The following MAGI2 variants were observed in gnomAD, a reference collection of about 807,000 sequenced individuals.
MAGI2 encodes membrane-associated guanylate kinase, WW and PDZ domain-containing protein 2.
Under a neutral mutation model 133.3 loss-of-function variants are expected in MAGI2, and 35 were observed. The observed-to-expected ratio is 0.26, with a 90% CI of 0.20 to 0.35. The LOEUF (loss-of-function observed/expected upper bound fraction) is 0.35. MAGI2 is among the 10% of genes least tolerant of loss of function. The pLI, the probability that MAGI2 is intolerant of heterozygous loss-of-function variation, is 1.00. For missense variants in MAGI2, 1,636 were observed against 1,863.4 expected, an observed-to-expected ratio of 0.88 and a Z score of 2.25; for synonymous variants, 729 against 710.6, an observed-to-expected ratio of 1.03 and a Z score of -0.41.
At chr7:78,866,861 C>G (rs1794601484) in intron 2 of MAGI2, among the ~76,000 whole-genome samples, 1 of 152,014 alleles carries the variant, frequency 6.6e-6, no homozygotes, top group Non-Finnish European at 1.5e-5. Context: ...CAGAACAACC[C>G]CATCAAAAAG....
At chr7:78,580,028 C>T (rs1249072919) in intron 3 of MAGI2, among the ~76,000 whole-genome samples, 1 of 151,998 alleles carries the variant, frequency 6.6e-6, no homozygotes, top group Non-Finnish European at 1.5e-5. Context: ...ATATTCTCAA[C>T]CAAACAATTT....
chr7:78,164,340 T>C (rs887847328), intron 15 of MAGI2, among the ~76,000 whole-genome samples: 1 of 152,194 alleles, frequency 6.6e-6, no homozygotes, highest in Non-Finnish European at 1.5e-5. Context: ...CAATGGGATG[T>C]ATGTATGGAC....
intron 1 of MAGI2, among the ~76,000 whole-genome samples, chr7:79,356,715 A>G (rs1842041609): frequency 2.0e-5 from 3 of 152,188 alleles, no homozygotes; most frequent in African/African-American, 7.2e-5. Context: ...GTAGATCTTT[A>G]TTTCTAGAAT....
At chr7:79,009,332 C>A (rs1282812943) in intron 1 of MAGI2, among the ~76,000 whole-genome samples, 2 of 151,142 alleles carry the variant, frequency 1.3e-5, no homozygotes, top group African/African-American at 4.9e-5. Context: ...TCTTTTTTTT[C>A]ATAGAAGAAC....
chr7:78,749,001 ATGAGCTAGTGG>A (rs759484313), intron 2 of MAGI2, among the ~76,000 whole-genome samples: 5 of 152,362 alleles, frequency 3.3e-5, no homozygotes, highest in Non-Finnish European at 5.9e-5. Context: ...AATTGTAAAG[ATGAGCTAGTGG>A]TGAAACCTAT....
intron 2 of MAGI2, among the ~76,000 whole-genome samples, chr7:78,996,093 A>G (rs546792218): frequency 2.0e-5 from 3 of 152,256 alleles, no homozygotes; most frequent in Admixed American, 6.5e-5. Context: ...CATACTTAGG[A>G]ATGGCCCTGG....
chr7:78,356,462 C>T (rs533770393), intron 7 of MAGI2, among the ~76,000 whole-genome samples: 39 of 152,032 alleles, frequency 2.6e-4, no homozygotes, highest in Non-Finnish European at 1.5e-4. Context: ...AACAGCTAGA[C>T]GGAGGATATT....
At position 78,206,378 on chromosome 7, in the gene MAGI2, G is replaced by C. The variant is rs183729293; in HGVS notation, c.2048-5185C>G. ...GTGATCTTGGCTCACTGCAACCTCC[G>C]CCTCCCGGGTTCCAGCGATTCTCTT... On this transcript the variant is annotated intron_variant, in intron 10 of 21. Coordinates refer to ENST00000354212, the MANE Select transcript of MAGI2 (RefSeq NM_012301.4). Among the ~76,000 whole-genome samples, 698 of 147,220 alleles carry C rather than the reference G, an allele frequency of 4.7e-3. 4 individuals carry two copies. The highest frequency in any genetic ancestry group is 6.3e-3 in the Non-Finnish European group (425 of 67,250).
intron 17 of MAGI2, among the ~76,000 whole-genome samples, chr7:78,133,474 T>C (rs979262955): frequency 6.6e-6 from 1 of 152,184 alleles, no homozygotes; most frequent in African/African-American, 2.4e-5. Context: ...GGATAAGGAA[T>C]GAACCATAAA....
chr7:78,247,795 T>G (rs781093625), intron 10 of MAGI2, among the ~76,000 whole-genome samples: 26 of 151,984 alleles, frequency 1.7e-4, no homozygotes, highest in Non-Finnish European at 3.1e-4. Context: ...AATAAAAAAG[T>G]GAAAACAGCC....
intron 1 of MAGI2, among the ~76,000 whole-genome samples, chr7:79,046,468 C>A (rs1383179962): frequency 6.6e-6 from 1 of 152,202 alleles, no homozygotes; most frequent in Non-Finnish European, 1.5e-5. Flanking sequence ...CTGTTGAAGT[C>A]ACCCAGTTTG....
intron 1 of MAGI2, among the ~76,000 whole-genome samples, chr7:79,041,695 A>AATAG (rs1811684966): frequency 6.6e-6 from 1 of 152,180 alleles, no homozygotes; most frequent in Admixed American, 6.5e-5. Flanking sequence ...AGAGTCTAGA[A>AATAG]ATAGGCTGAC....
At chr7:78,209,516 T>C (rs62463873) in intron 10 of MAGI2, among the ~76,000 whole-genome samples, 116,369 of 151,642 alleles carry the variant, frequency 0.77, 47,097 homozygotes, top group Non-Finnish European at 0.89. Context: ...CCACCATGGC[T>C]TCCCAAAGTG....
intron 10 of MAGI2, among the ~76,000 whole-genome samples, chr7:78,220,721 T>G (rs2150837414): frequency 6.6e-6 from 1 of 152,348 alleles, no homozygotes; most frequent in South Asian, 2.1e-4. Flanking sequence ...AGCAAACATT[T>G]GCCCAAACGC....
At chr7:79,391,113 T>G (rs1288529277) in intron 1 of MAGI2, among the ~76,000 whole-genome samples, 1 of 152,170 alleles carries the variant, frequency 6.6e-6, no homozygotes, top group Non-Finnish European at 1.5e-5. Context: ...TAAAGAACTT[T>G]GAGAAATTTC....
At chr7:78,464,963 A>ATTATTAT (rs1790466357) in intron 6 of MAGI2, among the ~76,000 whole-genome samples, 1 of 152,178 alleles carries the variant, frequency 6.6e-6, no homozygotes, top group Non-Finnish European at 1.5e-5. Context: ...ATACTATCAT[A>ATTATTAT]GTGCGTATTA....
intron 2 of MAGI2, among the ~76,000 whole-genome samples, chr7:78,924,413 G>A (rs901613591): frequency 2.0e-5 from 3 of 152,100 alleles, no homozygotes; most frequent in African/African-American, 7.2e-5. Flanking sequence ...AAGTGTTGTT[G>A]AATTTTGTCA....
chr7:78,912,517 C>T (rs1798473910), intron 2 of MAGI2, among the ~76,000 whole-genome samples: 1 of 151,904 alleles, frequency 6.6e-6, no homozygotes, highest in African/African-American at 2.4e-5. Flanking sequence ...TAAATATAAG[C>T]AGGCAGAAAA....
At chr7:78,613,319 A>C (rs2150917670) in intron 3 of MAGI2, among the ~76,000 whole-genome samples, 1 of 152,352 alleles carries the variant, frequency 6.6e-6, no homozygotes, top group Non-Finnish European at 1.5e-5. Flanking sequence ...TCTGTAGTTG[A>C]CAATGAGCCA....
Sources: allele counts gnomAD v4.1 joint callset (sites outside exome capture counted in the v4.1 genomes callset), GRCh38; gene constraint gnomAD v4.1.1; transcripts MANE v1.5; gene names NCBI Gene and HGNC (gene_info 2026-07-23, HGNC 2026-07-21).